The following ADPRH variants were observed in gnomAD, a reference collection of about 807,000 sequenced individuals.
The protein encoded by ADPRH is ADP-ribose-L-arginine cleaving enzyme.
In ADPRH, 27 loss-of-function variants were observed where a neutral mutation model predicts 28.8. The observed-to-expected ratio is 0.94, with a 90% confidence interval of 0.69 to 1.29. The LOEUF is 1.29. ADPRH is among the 50% of genes most tolerant of loss of function. The pLI is 0.00. For synonymous variants in ADPRH, 161 were observed against 166.9 expected (o/e 0.96, Z 0.27); for missense variants, 419 against 444.8 (o/e 0.94, Z 0.52).
rs1233439238 is a variant in ADPRH at position 119,579,779 on chromosome 3, C to T, written c.-195C>T. 6.5e-6 allele frequency: 1 copy of T among 153,680 alleles called. No individual in the cohort carries two copies. The highest frequency in any genetic ancestry group is 6.5e-5 in the Admixed American group (1 of 15,302). 9.5% of individuals were successfully genotyped at this position (153,680 alleles called of 1,614,324 possible). On this transcript the variant is annotated 5_prime_UTR_variant, in exon 1 of 5. Transcript: ENST00000357003. Reference sequence around the variant, plus strand: ...CGCGCCCTCGTCCACCCGCAGCAGCCAAGGCCTCTTCCCCGGCCCCGGGAG... The same window carrying T: ...CGCGCCCTCGTCCACCCGCAGCAGCTAAGGCCTCTTCCCCGGCCCCGGGAG...
Position 119,582,854 on chromosome 3 carries a change from A to T in ADPRH, c.298+387A>T, listed in dbSNP as rs368880006. 7.2e-5 allele frequency among the ~76,000 whole-genome samples: 11 copies of T among 152,362 alleles called. No homozygotes were observed. In the South Asian group the frequency reaches 1.0e-3, roughly 14 times the overall value. On this transcript the variant is annotated intron_variant, in intron 3 of 4. Transcript: ENST00000357003. ...TCTGCCTCCATCAGATCAGTGGCGCATTAGATTCTCATAGGAGCCTGAACC... is the reference window on the plus strand; with the variant it reads ...TCTGCCTCCATCAGATCAGTGGCGCTTTAGATTCTCATAGGAGCCTGAACC...
rs578158361 is a variant in ADPRH at position 119,585,535 on chromosome 3, G to A, written c.299-750G>A. On this transcript the variant is annotated intron_variant, in intron 3 of 4. Transcript: ENST00000357003. ...GATGTTCAGGAACTCCAATTGTGAGGTTTTTGTTTTTTGTTTTTTGGTTTT... is the reference window on the plus strand; with the variant it reads ...GATGTTCAGGAACTCCAATTGTGAGATTTTTGTTTTTTGTTTTTTGGTTTT... 9.9e-5 allele frequency among the ~76,000 whole-genome samples: 15 copies of A among 152,214 alleles called. No homozygotes were observed. In the South Asian group the frequency reaches 2.5e-3, roughly 25 times the overall value.
chr3:119,581,860 A>G (rs879197207), intron 2 of ADPRH, among the ~76,000 whole-genome samples: 2 of 152,140 alleles, frequency 1.3e-5, no homozygotes, highest in Non-Finnish European at 2.9e-5. Flanking sequence ...AGATGGACCT[A>G]TGTTGGGATC....
chr3:119,582,480 G>C lies in ADPRH; in HGVS notation c.298+13G>C, dbSNP rs371701534. On this transcript the variant is annotated intron_variant, in intron 3 of 4. Transcript: ENST00000357003. ...GGGCGGGCACCAGGTGAGCACAGCC[G>C]GTGGGAGGTGCAAGGAGGGCAAAGA... is the stretch of plus-strand genomic sequence containing the variant. The C allele has an allele frequency of 5.2e-5, 84 of 1,606,356 alleles. No homozygotes were observed. Among genetic ancestry groups the C allele is most frequent in the Non-Finnish European group, 6.4e-5 (75 of 1,174,350 alleles).
chr3:119,587,608 C>T lies in ADPRH; in HGVS notation c.804C>T (p.Gly268=). Residue 268 remains glycine (G), a synonymous_variant, in exon 5 of 5, where the codon GGC becomes GGT. Transcript: ENST00000357003. Reference sequence around the variant, plus strand: ...CCCTGAGCTACTCTGGCTGGGGTGGCAGCAGTGGGCACGATGCCCCCATGA... The same window carrying T: ...CCCTGAGCTACTCTGGCTGGGGTGGTAGCAGTGGGCACGATGCCCCCATGA... ...YTSLSYSGWG[G]SSGHDAPMIA... 1 of 1,614,204 alleles carries T rather than the reference C, an allele frequency of 6.2e-7. No individual in the cohort carries two copies. The highest frequency in any genetic ancestry group is 1.7e-5 in the Admixed American group (1 of 60,026).
In ADPRH at chr3:119,586,386, C is replaced by A. The variant is rs137924029; in HGVS notation, c.400C>A (p.Arg134=). The A allele has an allele frequency of 6.2e-7, 1 of 1,614,200 alleles. No homozygotes were observed. The highest frequency in any genetic ancestry group is 1.3e-5 in the African/African-American group (1 of 75,058). The change falls in exon 4 of 5, where the codon CGG becomes AGG. Residue 134 remains arginine (R), a synonymous_variant. Coordinates refer to ENST00000357003, the MANE Select transcript of ADPRH (RefSeq NM_001125.4). Reference sequence around the variant, plus strand: ...TGAGGGCGGCTGTGGGGCTGCCATGCGGGCCATGTGCATCGGTCTCAGGTT... The same window carrying A: ...TGAGGGCGGCTGTGGGGCTGCCATGAGGGCCATGTGCATCGGTCTCAGGTT... The part of the protein sequence containing the change: ...SHEGGCGAAM[R]AMCIGLRFPH...
chr3:119,585,323 A>G (rs1188461907), intron 3 of ADPRH, among the ~76,000 whole-genome samples: 3 of 152,174 alleles, frequency 2.0e-5, no homozygotes. Flanking sequence ...CTTGGTTCGC[A>G]TGCGTATTCA....
At chr3:119,581,250 T>C (rs1431248274) in intron 2 of ADPRH, among the ~76,000 whole-genome samples, 1 of 152,008 alleles carries the variant, frequency 6.6e-6, no homozygotes, top group African/African-American at 2.4e-5. Flanking sequence ...GTATTTTTAG[T>C]AGAGATGGGG....
chr3:119,588,989 T>C lies in ADPRH; in HGVS notation c.*1111T>C, dbSNP rs569893247. ...CAAATTGACCATGCTAAACTAATCATGTTCCAATGAATACATCACCTTTCT... is the reference window on the plus strand; with the variant it reads ...CAAATTGACCATGCTAAACTAATCACGTTCCAATGAATACATCACCTTTCT... On this transcript the variant is annotated 3_prime_UTR_variant, in exon 5 of 5. Transcript: ENST00000357003. The C allele has an allele frequency of 6.6e-6, 1 of 152,054 alleles. No individual in the cohort carries two copies. The highest frequency in any genetic ancestry group is 2.4e-5 in the African/African-American group (1 of 41,260). 9.4% of individuals were successfully genotyped at this position (152,054 alleles called of 1,614,324 possible). A position where few individuals can be genotyped will look rare whatever the true frequency, so the allele number is the denominator to read the frequency against.
chr3:119,582,347 C>T lies in ADPRH; in HGVS notation c.178C>T (p.His60Tyr). The part of the protein sequence containing the change: ...RWRVSDDTVM[H>Y]LATAEALVEA... ...GAGAGTTAGTGACGACACAGTGATGCACTTGGCCACAGCAGAAGCTCTTGT... is the reference window on the plus strand; with the variant it reads ...GAGAGTTAGTGACGACACAGTGATGTACTTGGCCACAGCAGAAGCTCTTGT... Residue 60 changes from histidine (H) to tyrosine (Y), a missense_variant, in exon 3 of 5, where the codon CAC (histidine) becomes TAC (tyrosine). His to Tyr is a moderately conservative substitution (Grantham distance 83). Transcript: ENST00000357003. 1.2e-6 allele frequency: 2 copies of T among 1,614,212 alleles called. No individual in the cohort carries two copies. The highest frequency in any genetic ancestry group is 1.7e-6 in the Non-Finnish European group (2 of 1,180,040).
In ADPRH at chr3:119,587,815, G is replaced by A; in HGVS notation, c.1011G>A (p.Leu337=). The A allele has an allele frequency of 6.2e-7, 1 of 1,613,822 alleles. No homozygotes were observed. Among genetic ancestry groups the A allele is most frequent in the East Asian group, 2.2e-5 (1 of 44,878 alleles). ...AGAAACTAGAATACAGAAACCGGCT[G>A]GAAGAGACAGCTAGGGCTTTATATT... ...NYEKLEYRNR[L]EETARALYSL... is the part of the protein sequence containing the mutation. Residue 337 remains leucine, a synonymous_variant, in exon 5 of 5, where the codon CTG becomes CTA. Coordinates refer to ENST00000357003, the MANE Select transcript of ADPRH (RefSeq NM_001125.4).
At chr3:119,583,744 T>C (rs2082428594) in intron 3 of ADPRH, among the ~76,000 whole-genome samples, 2 of 152,244 alleles carry the variant, frequency 1.3e-5, no homozygotes, top group Middle Eastern at 6.8e-3. Flanking sequence ...AAAGCCTGTC[T>C]TTAAAAAAAA....
chr3:119,585,663 C>A (rs2082451488), intron 3 of ADPRH, among the ~76,000 whole-genome samples: 1 of 152,248 alleles, frequency 6.6e-6, no homozygotes. Context: ...GATTCTCCTG[C>A]CTCAGCCTTC....
Position 119,582,192 on chromosome 3 carries a change from T to C in ADPRH, c.23T>C (p.Met8Thr). The stretch of plus-strand genomic sequence containing the variant: ...CTGATGGAGAAGTATGTGGCTGCTA[T>C]GGTGCTGAGTGCAGCTGGAGATGCC... Reference protein sequence around the residue: MEKYVAAMVLSAAGDALG... With the variant: MEKYVAATVLSAAGDALG... Residue 8 changes from methionine to threonine, a missense_variant, in exon 3 of 5, where the codon ATG becomes ACG. By Grantham distance (81) the Met-to-Thr change is moderately conservative (BLOSUM62 -1). Transcript: ENST00000357003. 1 of 1,610,528 alleles carries C rather than the reference T, an allele frequency of 6.2e-7. No homozygotes were observed. The highest frequency in any genetic ancestry group is 8.5e-7 in the Non-Finnish European group (1 of 1,177,202).
chr3:119,579,621 T>C lies in ADPRH; in HGVS notation c.-353T>C, dbSNP rs1241098613. The C allele has an allele frequency of 6.6e-6, 1 of 152,348 alleles. No homozygotes were observed. 9.4% of individuals were successfully genotyped at this position (152,348 alleles called of 1,614,324 possible). A position where few individuals can be genotyped will look rare whatever the true frequency, so the allele number is the denominator to read the frequency against. On this transcript the variant is annotated 5_prime_UTR_variant, in exon 1 of 5. Coordinates refer to ENST00000357003, the MANE Select transcript of ADPRH (RefSeq NM_001125.4). ...GCTTGGGTGCAGAAGGGCGCGGCGG[T>C]GCCAGGAAGCCGCCTTGGAGGCTCC... is the stretch of plus-strand genomic sequence containing the variant.
chr3:119,586,775 C>G, intron 4 of ADPRH, 130 bp downstream of exon 4: 1 of 1,311,194 alleles, frequency 7.6e-7, no homozygotes. Flanking sequence ...CCCCTTTCTA[C>G]CCATCTGCTA....
At chr3:119,587,360 A>G in intron 4 of ADPRH, 104 bp from the exon 5 acceptor site, 1 of 884,196 alleles carries the variant, frequency 1.1e-6, no homozygotes, top group Admixed American at 3.2e-5. Context: ...AAGAAGCCGA[A>G]GTTATGTTGG....
In ADPRH at chr3:119,586,514, T is replaced by C. The variant is rs572485982; in HGVS notation, c.528T>C (p.Ala176=). The C allele has an allele frequency of 6.2e-7, 1 of 1,614,222 alleles. No homozygotes were observed. Among genetic ancestry groups the C allele is most frequent in the Admixed American group, 1.7e-5 (1 of 60,032 alleles). Residue 176 remains alanine, a synonymous_variant, in exon 4 of 5, where the codon GCT becomes GCC. Transcript: ENST00000357003. ...PTGYLGALAS[A]LFTAYAVNSR... Reference sequence around the variant, plus strand: ...GCTACCTGGGGGCCCTTGCGTCTGCTCTTTTTACAGCCTATGCTGTGAATA... The same window carrying C: ...GCTACCTGGGGGCCCTTGCGTCTGCCCTTTTTACAGCCTATGCTGTGAATA...
chr3:119,586,739 C>T lies in ADPRH; in HGVS notation c.659+94C>T, dbSNP rs898531725. 1.1e-5 allele frequency: 16 copies of T among 1,523,738 alleles called. No individual in the cohort carries two copies. The African/African-American group carries it at 2.2e-4, about 21-fold the overall frequency. 94.4% of individuals were successfully genotyped at this position (1,523,738 alleles called of 1,614,324 possible). ...TATGTCTTGTATTCAGAGATCACAG[C>T]AACCCTCATGGTTTTCACCCCCAGC... On this transcript the variant is annotated intron_variant, in intron 4 of 4. Transcript: ENST00000357003.
Sources: gnomAD v4.1 joint callset for allele counts (sites outside exome capture counted in the v4.1 genomes callset) on GRCh38, gnomAD v4.1.1 for gene constraint, MANE v1.5 for transcripts, NCBI Gene and HGNC (gene_info 2026-07-23, HGNC 2026-07-21) for gene names.